Variants in CDYL2 observed in about 807,000 individuals in gnomAD.
CDYL2 encodes the protein chromodomain Y-like protein 2.
Under a neutral mutation model 49.4 loss-of-function variants are expected in CDYL2, and 23 were observed. The observed-to-expected ratio is 0.47, with a 90% CI of 0.34 to 0.66. The LOEUF (loss-of-function observed/expected upper bound fraction) is 0.66. Among genes scored for constraint, CDYL2 ranks in the 30% least tolerant of loss-of-function variants. The pLI is 0.01. For synonymous variants in CDYL2, 360 were observed against 268.8 expected (o/e 1.34, Z -3.32); for missense variants, 678 against 656.4 (o/e 1.03, Z -0.36).
At chr16:80,636,310 C>T (rs1391372172) in intron 2 of CDYL2, among the ~76,000 whole-genome samples, 2 of 152,158 alleles carry the variant, frequency 1.3e-5, no homozygotes, top group African/African-American at 4.8e-5. Flanking sequence ...ATCTATTCAT[C>T]TGACAAAGGG....
At chr16:80,655,397 T>C (rs1243613267) in intron 2 of CDYL2, among the ~76,000 whole-genome samples, 5 of 152,166 alleles carry the variant, frequency 3.3e-5, no homozygotes, top group Admixed American at 6.5e-5. Flanking sequence ...GCCTGTGCCC[T>C]CATGGAGCTT....
intron 3 of CDYL2, among the ~76,000 whole-genome samples, chr16:80,621,704 G>C (rs1291390110): frequency 1.3e-5 from 2 of 152,250 alleles, no homozygotes; most frequent in East Asian, 1.9e-4. Flanking sequence ...CTTCATGCCA[G>C]TAAAGGTGCC....
intron 2 of CDYL2, chr16:80,639,559 T>C (rs1292255881): frequency 5.1e-5 from 20 of 393,804 alleles, no homozygotes; most frequent in Middle Eastern, 9.0e-4. Context: ...GATGGCACAA[T>C]AGAAGGCTCC....
intron 1 of CDYL2, among the ~76,000 whole-genome samples, chr16:80,753,826 C>A (rs1386178973): frequency 1.3e-5 from 2 of 152,002 alleles, no homozygotes; most frequent in Non-Finnish European, 2.9e-5. Context: ...TCGAAAGACA[C>A]AATTAAAAGA....
At position 80,600,096 on chromosome 16, in the gene CDYL2, C is replaced by T. The variant is rs1051958057; in HGVS notation, c.*4292G>A. ...GAATTTACGGGGAGATCTTAAACTA[C>T]TTATGTAGTTGCAAAGTTGAAAAAT... On this transcript the variant is annotated 3_prime_UTR_variant, in exon 7 of 7. Transcript: ENST00000570137. The T allele has an allele frequency of 6.6e-6, 1 of 152,204 alleles. No homozygotes were observed. The highest frequency in any genetic ancestry group is 2.4e-5 in the African/African-American group (1 of 41,438). 9.4% of individuals were successfully genotyped at this position (152,204 alleles called of 1,614,324 possible).
chr16:80,769,552 T>C (rs2142392719), intron 1 of CDYL2, among the ~76,000 whole-genome samples: 1 of 152,296 alleles, frequency 6.6e-6, no homozygotes, highest in African/African-American at 2.4e-5. Context: ...TATTAGGCTG[T>C]CACCATGAAC....
intron 1 of CDYL2, among the ~76,000 whole-genome samples, chr16:80,768,377 A>G (rs1906796008): frequency 6.6e-6 from 1 of 152,224 alleles, no homozygotes; most frequent in Admixed American, 6.5e-5. Flanking sequence ...ACCAGTGTCC[A>G]TGTGTCTTAG....
In CDYL2 at chr16:80,803,796, G is replaced by C. The variant is rs550995630; in HGVS notation, c.24+354C>G. On this transcript the variant is annotated intron_variant, in intron 1 of 6. Coordinates refer to ENST00000570137, the MANE Select transcript of CDYL2 (RefSeq NM_152342.4). ...TTTTACCTGTACTTTCTGTACTCGA[G>C]GCGGCTCGTCGGGCGAGAAACACCT... is the stretch of plus-strand genomic sequence containing the variant. Among the ~76,000 whole-genome samples the C allele has an allele frequency of 4.6e-3, 658 of 144,454 alleles. 1 individual carries two copies. The highest frequency in any genetic ancestry group is 7.2e-3 in the Non-Finnish European group (468 of 65,154). The allele number at this position is 144,454 out of a possible 152,430, so 94.8% of individuals were successfully genotyped here. A position where few individuals can be genotyped will look rare whatever the true frequency, so the allele number is the denominator to read the frequency against.
intron 1 of CDYL2, among the ~76,000 whole-genome samples, chr16:80,769,007 G>C (rs889975148): frequency 6.6e-6 from 1 of 151,980 alleles, no homozygotes; most frequent in Admixed American, 6.6e-5. Flanking sequence ...ATATTCAAAG[G>C]CTCCCTTTTA....
At chr16:80,757,849 G>C (rs1336329149) in intron 1 of CDYL2, among the ~76,000 whole-genome samples, 2 of 151,934 alleles carry the variant, frequency 1.3e-5, no homozygotes, top group African/African-American at 4.8e-5. Flanking sequence ...TTATAAATGA[G>C]TCTATTCTTT....
intron 1 of CDYL2, among the ~76,000 whole-genome samples, chr16:80,729,270 T>C (rs1365747390): frequency 6.6e-6 from 1 of 151,068 alleles, no homozygotes. Context: ...ACCAAGCAAA[T>C]GGAAAACAAA....
At position 80,726,322 on chromosome 16, in the gene CDYL2, T is replaced by C. The variant is rs541019302; in HGVS notation, c.25-41193A>G. Among the ~76,000 whole-genome samples, 8 of 152,308 alleles carry C rather than the reference T, an allele frequency of 5.3e-5. No homozygotes were observed. In the South Asian group the frequency reaches 1.5e-3, roughly 28 times the overall value. ...TAAAACCAACAATGAAATGAAAGAC[T>C]TCATAAAACAAAGACACTGATTTTG... On this transcript the variant is annotated intron_variant, in intron 1 of 6. Coordinates refer to ENST00000570137, the MANE Select transcript of CDYL2 (RefSeq NM_152342.4).
At chr16:80,663,832 A>G (rs1377489678) in intron 2 of CDYL2, among the ~76,000 whole-genome samples, 1 of 152,202 alleles carries the variant, frequency 6.6e-6, no homozygotes, top group Non-Finnish European at 1.5e-5. Flanking sequence ...AGCTCAGGCA[A>G]TCCACCACCT....
chr16:80,776,166 T>G (rs969448837), intron 1 of CDYL2, among the ~76,000 whole-genome samples: 1 of 152,136 alleles, frequency 6.6e-6, no homozygotes, highest in Non-Finnish European at 1.5e-5. Context: ...GAAAAATACA[T>G]ATCAATTAGA....
chr16:80,789,770 T>C (rs1263026274), intron 1 of CDYL2, among the ~76,000 whole-genome samples: 2 of 152,112 alleles, frequency 1.3e-5, no homozygotes, highest in Non-Finnish European at 2.9e-5. Context: ...GCAACATGGA[T>C]AGAGCTGAAG....
intron 1 of CDYL2, among the ~76,000 whole-genome samples, chr16:80,759,102 CTATATATATATATA>C (rs59240300): frequency 2.5e-4 from 16 of 63,368 alleles, no homozygotes; most frequent in South Asian, 1.2e-3. Flanking sequence ...AAACCATATA[CTATATATATATATA>C]TATATATATA....
chr16:80,642,923 A>C (rs921662225), intron 2 of CDYL2, among the ~76,000 whole-genome samples: 6 of 152,060 alleles, frequency 3.9e-5, no homozygotes, highest in African/African-American at 1.4e-4. Flanking sequence ...AGCCCCTCCA[A>C]ATCTCAAGTC....
intron 1 of CDYL2, among the ~76,000 whole-genome samples, chr16:80,686,366 A>G (rs1259007575): frequency 6.6e-6 from 1 of 152,224 alleles, no homozygotes; most frequent in Non-Finnish European, 1.5e-5. Flanking sequence ...CCAATGTTGT[A>G]CCCTCCAAAT....
At chr16:80,606,170 T>C (rs1597118284) in intron 6 of CDYL2, among the ~76,000 whole-genome samples, 1 of 152,194 alleles carries the variant, frequency 6.6e-6, no homozygotes, top group Admixed American at 6.5e-5. Context: ...AGGCTGCAGG[T>C]GGTGGGATGA....
Sources: gnomAD v4.1 joint callset for allele counts (sites outside exome capture counted in the v4.1 genomes callset) on GRCh38, gnomAD v4.1.1 for gene constraint, MANE v1.5 for transcripts, NCBI Gene and HGNC (gene_info 2026-07-23, HGNC 2026-07-21) for gene names.